ZNF652: variants seen among roughly 807,000 people sequenced by gnomAD.
ZNF652 encodes zinc finger protein 652.
A neutral mutation model predicts 45.2 loss-of-function variants in ZNF652; 16 were observed. The observed-to-expected ratio is 0.35, with a 90% CI of 0.24 to 0.54. The LOEUF is 0.54. ZNF652 is among the 20% of genes least tolerant of loss of function. ZNF652 has a pLI of 0.91. For synonymous variants in ZNF652, 250 were observed against 260.6 expected (o/e 0.96, Z 0.39); for missense variants, 614 against 765.6 (o/e 0.80, Z 2.34).
At chr17:49,310,859 G>A (rs1453755254) in intron 5 of ZNF652, among the ~76,000 whole-genome samples, 2 of 152,140 alleles carry the variant, frequency 1.3e-5, no homozygotes, top group South Asian at 2.1e-4. Flanking sequence ...CTGAGATCGC[G>A]CCACTGCCCT....
intron 1 of ZNF652, among the ~76,000 whole-genome samples, chr17:49,325,736 T>C (rs370387123): frequency 7.2e-5 from 11 of 152,042 alleles, no homozygotes; most frequent in African/African-American, 2.2e-4. Flanking sequence ...GGCACGACAA[T>C]TGCTTGAACC....
chr17:49,307,291 C>T (rs148849635), intron 5 of ZNF652, among the ~76,000 whole-genome samples: 4,905 of 150,482 alleles, frequency 0.033, 226 homozygotes, highest in East Asian at 0.1. Context: ...TTTAGCTAGG[C>T]GTGGTGGCAC....
rs760693444 is a variant in ZNF652, at chr17:49,300,524, T to C, written c.1310-1600A>G. The stretch of plus-strand genomic sequence containing the variant: ...TCTGCCTGCTTCTCTACCCAGGCTA[T>C]AGAAAATAAAATCCTTTATGATTCT... On this transcript the variant is annotated intron_variant, in intron 5 of 5. Coordinates refer to ENST00000430262, the MANE Select transcript of ZNF652 (RefSeq NM_001145365.3). Among the ~76,000 whole-genome samples the C allele has an allele frequency of 6.8e-4, 103 of 152,222 alleles. 1 individual carries two copies. Among genetic ancestry groups the C allele is most frequent in the Non-Finnish European group, 1.3e-3 (91 of 68,044 alleles).
chr17:49,300,384 CA>C (rs768592842), intron 5 of ZNF652, among the ~76,000 whole-genome samples: 9 of 152,144 alleles, frequency 5.9e-5, no homozygotes, highest in Non-Finnish European at 1.2e-4. Context: ...AAACAGGAGA[CA>C]GAATCCCATA....
intron 5 of ZNF652, among the ~76,000 whole-genome samples, chr17:49,301,242 C>G (rs1271380782): frequency 1.3e-5 from 2 of 152,180 alleles, no homozygotes; most frequent in East Asian, 3.8e-4. Flanking sequence ...ACTGAAGAGT[C>G]AATTTTCTCC....
intron 5 of ZNF652, 111 bp from the exon 6 acceptor site, chr17:49,299,035 C>T (rs1424915483): frequency 5.0e-6 from 6 of 1,201,144 alleles, no homozygotes; most frequent in Admixed American, 2.8e-5. Context: ...AGGCTGGTCT[C>T]GAACTCCTGG....
intron 1 of ZNF652, among the ~76,000 whole-genome samples, chr17:49,320,032 A>C (rs752444429): frequency 6.6e-6 from 1 of 151,998 alleles, no homozygotes; most frequent in African/African-American, 2.4e-5. Context: ...TAATTTGATT[A>C]TGTTTCTGTT....
In ZNF652 at chr17:49,298,335, GA is replaced by G. The variant is rs2069502153; in HGVS notation, c.*77del. The stretch of plus-strand genomic sequence containing the variant: ...GGCGGAGGAGAGTCTGAGAACTAAG[GA>G]AATGCTCACCGACTCCCTCTGTGCA... On this transcript the variant is annotated 3_prime_UTR_variant, in exon 6 of 6. Transcript: ENST00000430262. 2.6e-6 allele frequency: 4 copies of G among 1,560,344 alleles called. No individual in the cohort carries two copies. The highest frequency in any genetic ancestry group is 3.5e-6 in the Non-Finnish European group (4 of 1,148,260).
chr17:49,318,388 C>T (rs936392563), intron 1 of ZNF652, among the ~76,000 whole-genome samples: 3 of 152,074 alleles, frequency 2.0e-5, no homozygotes, highest in African/African-American at 7.2e-5. Context: ...AATTATTAAA[C>T]TCTTTACATA....
chr17:49,340,890 C>A (rs1288020225), intron 1 of ZNF652, among the ~76,000 whole-genome samples: 1 of 152,014 alleles, frequency 6.6e-6, no homozygotes, highest in Non-Finnish European at 1.5e-5. Flanking sequence ...CAGAGTGAGA[C>A]CCTGTCTCCA....
At chr17:49,338,655 A>C (rs981935369) in intron 1 of ZNF652, among the ~76,000 whole-genome samples, 1 of 152,248 alleles carries the variant, frequency 6.6e-6, no homozygotes, top group Admixed American at 6.5e-5. Context: ...AGAGTTGTCC[A>C]ATAGCCAACT....
chr17:49,306,469 G>C (rs1363280238), intron 5 of ZNF652, among the ~76,000 whole-genome samples: 1 of 151,866 alleles, frequency 6.6e-6, no homozygotes, highest in African/African-American at 2.4e-5. Flanking sequence ...ATTTTTTTTG[G>C]TTTTTAATAG....
rs989484644 is a variant in ZNF652 at position 49,290,197 on chromosome 17, A to G, written c.*8216T>C. On this transcript the variant is annotated 3_prime_UTR_variant, in exon 6 of 6. Transcript: ENST00000430262. ...GGTGGCCAGGCAGAAATCAGTTAAG[A>G]AGGCCATTCCAGGTGTAAATGCCTC... The G allele has an allele frequency of 1.3e-5, 2 of 152,294 alleles. No homozygotes were observed. Among genetic ancestry groups the G allele is most frequent in the African/African-American group, 2.4e-5 (1 of 41,458 alleles). 9.4% of individuals were successfully genotyped at this position (152,294 alleles called of 1,614,324 possible). A position where few individuals can be genotyped will look rare whatever the true frequency, so the allele number is the denominator to read the frequency against.
chr17:49,316,730 G>A, intron 2 of ZNF652, 96 bp downstream of exon 2: 1 of 1,276,380 alleles, frequency 7.8e-7, no homozygotes, highest in Non-Finnish European at 1.1e-6. Context: ...TGTCCCTTCA[G>A]CCTCTATTGC....
At chr17:49,310,390 T>C (rs553845343) in intron 5 of ZNF652, among the ~76,000 whole-genome samples, 52 of 152,304 alleles carry the variant, frequency 3.4e-4, no homozygotes, top group African/African-American at 1.2e-3. Flanking sequence ...GAATATCAAG[T>C]TTAGACTGAG....
chr17:49,347,745 T>G (rs917721108), intron 1 of ZNF652, among the ~76,000 whole-genome samples: 23 of 140,884 alleles, frequency 1.6e-4, no homozygotes, highest in East Asian at 6.3e-4. Context: ...GTTTTGTTTT[T>G]TTTTTTTTTT....
intron 1 of ZNF652, among the ~76,000 whole-genome samples, chr17:49,325,536 A>T (rs1218613390): frequency 2.0e-5 from 3 of 152,210 alleles, no homozygotes; most frequent in Admixed American, 2.0e-4. Flanking sequence ...CATGCTGGAA[A>T]AATGATACTG....
Position 49,340,566 on chromosome 17 carries a change from A to G in ZNF652, c.-259+21343T>C, listed in dbSNP as rs560443904. 2.2e-4 allele frequency among the ~76,000 whole-genome samples: 28 copies of G among 126,436 alleles called. No individual in the cohort carries two copies. The East Asian group carries it at 5.5e-3, about 25-fold the overall frequency. The allele number at this position is 126,436 out of a possible 152,430, so 82.9% of individuals were successfully genotyped here. A position where few individuals can be genotyped will look rare whatever the true frequency, so the allele number is the denominator to read the frequency against. ...CTCTGTCTCAAAAAAAAAAAAAAAA[A>G]AAAAAGAAAGAAAGAAAAAATATAT... On this transcript the variant is annotated intron_variant, in intron 1 of 5. Coordinates refer to ENST00000430262, the MANE Select transcript of ZNF652 (RefSeq NM_001145365.3).
In ZNF652 at chr17:49,303,221, G is replaced by A. The variant is rs565456494; in HGVS notation, c.1310-4297C>T. Among the ~76,000 whole-genome samples, 36 of 146,438 alleles carry A rather than the reference G, an allele frequency of 2.5e-4. No individual in the cohort carries two copies. The East Asian group carries it at 7.3e-3, about 30-fold the overall frequency. On this transcript the variant is annotated intron_variant, in intron 5 of 5. Transcript: ENST00000430262. ...ATTATCTCTAGGTAATAAGATCATG[G>A]GTGATGTTTTATTCTTTACGCTTAT...
Sources: gnomAD v4.1 joint callset for allele counts (sites outside exome capture counted in the v4.1 genomes callset) on GRCh38, gnomAD v4.1.1 for gene constraint, MANE v1.5 for transcripts, NCBI Gene and HGNC (gene_info 2026-07-23, HGNC 2026-07-21) for gene names.